SLC6A5: variants seen among roughly 807,000 people sequenced by gnomAD.
The protein encoded by SLC6A5 is solute carrier family 6 member 5.
In SLC6A5, 58 loss-of-function variants were observed where a neutral mutation model predicts 90.5. The observed-to-expected ratio is 0.64, with a 90% CI of 0.52 to 0.80. The LOEUF is 0.80. SLC6A5 is among the 30% of genes least tolerant of loss of function. SLC6A5 has a pLI of 0.00. For synonymous variants in SLC6A5, 427 were observed against 401.4 expected, an observed-to-expected ratio of 1.06 and a Z score of -0.76; for missense variants, 1,015 against 1,017.6, an observed-to-expected ratio of 1.00 and a Z score of 0.03.
chr11:20,630,015 G>C (rs959226218), intron 9 of SLC6A5, among the ~76,000 whole-genome samples: 3 of 152,166 alleles, frequency 2.0e-5, no homozygotes, highest in Non-Finnish European at 4.4e-5. Context: ...GAGCCACCGT[G>C]CCCGGCTGGG....
intron 14 of SLC6A5, among the ~76,000 whole-genome samples, chr11:20,647,347 A>ATTATATAG (rs1431823843): frequency 2.1e-5 from 1 of 48,464 alleles, no homozygotes; most frequent in Admixed American, 3.8e-4. Flanking sequence ...ATATATTCCT[A>ATTATATAG]TTATATAGTT....
intron 3 of SLC6A5, among the ~76,000 whole-genome samples, chr11:20,604,919 C>G (rs1852549188): frequency 2.6e-5 from 4 of 152,178 alleles, no homozygotes; most frequent in Admixed American, 6.5e-5. Flanking sequence ...CTGCCACCCC[C>G]GCCTTCTTCT....
chr11:20,606,492 C>T (rs1852583983), intron 3 of SLC6A5, among the ~76,000 whole-genome samples: 1 of 152,030 alleles, frequency 6.6e-6, no homozygotes, highest in African/African-American at 2.4e-5. Flanking sequence ...GATGGGTATT[C>T]CCCAATGGCT....
At chr11:20,619,303 G>A (rs1265653860) in intron 7 of SLC6A5, among the ~76,000 whole-genome samples, 1 of 152,206 alleles carries the variant, frequency 6.6e-6, no homozygotes, top group Non-Finnish European at 1.5e-5. Flanking sequence ...GCATCTATTA[G>A]CCACATAGAC....
intron 13 of SLC6A5, among the ~76,000 whole-genome samples, chr11:20,642,391 C>A (rs1157309340): frequency 6.6e-6 from 1 of 152,114 alleles, no homozygotes; most frequent in Non-Finnish European, 1.5e-5. Flanking sequence ...TGGTCGTATG[C>A]AGTTTGTCAT....
At chr11:20,630,453 T>C (rs542070759) in intron 9 of SLC6A5, among the ~76,000 whole-genome samples, 1 of 152,366 alleles carries the variant, frequency 6.6e-6, no homozygotes, top group South Asian at 2.1e-4. Context: ...TTTATATAGA[T>C]CGTGGAGTCA....
At chr11:20,616,142 A>T (rs1457265457) in intron 6 of SLC6A5, among the ~76,000 whole-genome samples, 1 of 152,172 alleles carries the variant, frequency 6.6e-6, no homozygotes, top group Non-Finnish European at 1.5e-5. Context: ...AGTTGTCATT[A>T]TTTCCTACTC....
intron 6 of SLC6A5, among the ~76,000 whole-genome samples, chr11:20,615,500 T>G (rs1426808815): frequency 3.3e-5 from 5 of 152,154 alleles, no homozygotes; most frequent in Admixed American, 3.3e-4. Flanking sequence ...CCCGAGGAGC[T>G]GGGACTACAG....
chr11:20,637,113 G>A, intron 11 of SLC6A5, 59 bp from the exon 12 acceptor site: 1 of 1,570,116 alleles, frequency 6.4e-7, no homozygotes, highest in Non-Finnish European at 8.8e-7. Context: ...AAAGGGCTTG[G>A]GGGTACCTCC....
At chr11:20,626,568 C>T in intron 7 of SLC6A5, 140 bp from the exon 8 acceptor site, 1 of 875,986 alleles carries the variant, frequency 1.1e-6, no homozygotes, top group Non-Finnish European at 1.8e-6. Flanking sequence ...GCTTCCCCAG[C>T]CCTGGCTGCA....
intron 7 of SLC6A5, 143 bp from the exon 8 acceptor site, chr11:20,626,565 C>T (rs1051270093): frequency 7.0e-6 from 6 of 860,060 alleles, no homozygotes; most frequent in Non-Finnish European, 1.1e-5. Flanking sequence ...CCTGCTTCCC[C>T]AGCCCTGGCT....
chr11:20,622,594 G>C (rs1852912697), intron 7 of SLC6A5, among the ~76,000 whole-genome samples: 1 of 152,178 alleles, frequency 6.6e-6, no homozygotes, highest in African/African-American at 2.4e-5. Flanking sequence ...CTTGTGAGAT[G>C]CTTAACCTGA....
At chr11:20,627,147 G>C (rs899362198) in intron 8 of SLC6A5, among the ~76,000 whole-genome samples, 1 of 152,128 alleles carries the variant, frequency 6.6e-6, no homozygotes, top group Non-Finnish European at 1.5e-5. Flanking sequence ...ATAGAGTGTC[G>C]GAAGGGTAGT....
chr11:20,610,851 A>T (rs138891971), intron 5 of SLC6A5, among the ~76,000 whole-genome samples: 1 of 152,152 alleles, frequency 6.6e-6, no homozygotes, highest in Non-Finnish European at 1.5e-5. Flanking sequence ...CCTGGCATTT[A>T]GTAGGTGGAG....
rs1852816959 is a variant in SLC6A5 at position 20,617,995 on chromosome 11, G to A, written c.1260+111G>A. On this transcript the variant is annotated intron_variant, in intron 7 of 15. Transcript: ENST00000525748. ...GTCAGGAGCTGTGGATGCTAATTCTGACTCTGCCCTGGAGCAGCTGAGGGG... is the reference window on the plus strand; with the variant it reads ...GTCAGGAGCTGTGGATGCTAATTCTAACTCTGCCCTGGAGCAGCTGAGGGG... The A allele has an allele frequency of 8.0e-6, 9 of 1,125,744 alleles. No individual in the cohort carries two copies. The Admixed American group carries it at 1.2e-4, about 15-fold the overall frequency. The allele number at this position is 1,125,744 out of a possible 1,614,324, so 69.7% of individuals were successfully genotyped here. A position where few individuals can be genotyped will look rare whatever the true frequency, so the allele number is the denominator to read the frequency against.
At chr11:20,627,018 G>A (rs1234046106) in intron 8 of SLC6A5, among the ~76,000 whole-genome samples, 176 bp downstream of exon 8, 7 of 152,068 alleles carry the variant, frequency 4.6e-5, no homozygotes, top group African/African-American at 1.7e-4. Context: ...GACAACTGAG[G>A]GTTTTTAGAT....
In SLC6A5 at chr11:20,624,595, C is replaced by T. The variant is rs574214185; in HGVS notation, c.1261-2113C>T. On this transcript the variant is annotated intron_variant, in intron 7 of 15. Coordinates refer to ENST00000525748, the MANE Select transcript of SLC6A5 (RefSeq NM_004211.5). Reference sequence around the variant, plus strand: ...CAGGTACTCGAGTCTGTGCAGACAGCGTGCGGCAGGTGCCCTGTGTCCCTC... The same window carrying T: ...CAGGTACTCGAGTCTGTGCAGACAGTGTGCGGCAGGTGCCCTGTGTCCCTC... 1.1e-4 allele frequency among the ~76,000 whole-genome samples: 16 copies of T among 152,244 alleles called. No homozygotes were observed. The South Asian group carries it at 1.9e-3, about 18-fold the overall frequency.
intron 10 of SLC6A5, among the ~76,000 whole-genome samples, chr11:20,634,889 C>A (rs1853174618): frequency 6.6e-6 from 1 of 152,182 alleles, no homozygotes. Flanking sequence ...CCGGCGCCCA[C>A]ATTCACTTGT....
chr11:20,618,013 C>A, intron 7 of SLC6A5, 129 bp downstream of exon 7: 1 of 941,202 alleles, frequency 1.1e-6, no homozygotes, highest in Non-Finnish European at 1.7e-6. Flanking sequence ...CCTGGAGCAG[C>A]TGAGGGGCTG....
Sources: allele counts gnomAD v4.1 joint callset (sites outside exome capture counted in the v4.1 genomes callset), GRCh38; gene constraint gnomAD v4.1.1; transcripts MANE v1.5; gene names NCBI Gene and HGNC (gene_info 2026-07-23, HGNC 2026-07-21).